The following SZT2 variants were observed in gnomAD, a reference collection of about 807,000 sequenced individuals.
The protein encoded by SZT2 is KICSTOR complex protein SZT2.
SZT2 carries 216 observed loss-of-function variants against 404.2 expected under a neutral mutation model. That is an observed-to-expected ratio of 0.53 (90% CI 0.48 to 0.60). The LOEUF (loss-of-function observed/expected upper bound fraction) is 0.60, where lower values mean the gene tolerates loss of function less well. Among genes scored for constraint, SZT2 ranks in the 20% least tolerant of loss-of-function variants. The pLI is 0.00. For synonymous variants in SZT2, 1,693 were observed against 1,749.9 expected, an observed-to-expected ratio of 0.97 and a Z score of 0.81; for missense variants, 3,857 against 4,459.2, an observed-to-expected ratio of 0.86 and a Z score of 3.85.
At position 43,446,105 on chromosome 1, in the gene SZT2, G is replaced by A. The variant is rs751259086; in HGVS notation, c.8917-74G>A. 2.9e-5 allele frequency: 46 copies of A among 1,599,484 alleles called. 1 individual carries two copies. The highest frequency in any genetic ancestry group is 1.3e-4 in the Admixed American group (8 of 59,980). On this transcript the variant is annotated intron_variant, in intron 63 of 71. Transcript: ENST00000634258. The stretch of plus-strand genomic sequence containing the variant: ...CCAGACTGACACCATTAAAGTCAGG[G>A]TCCAAGGGACTTCCACCCTACTGAT...
chr1:43,418,402 T>C (rs1465856202), intron 7 of SZT2, among the ~76,000 whole-genome samples: 1 of 152,174 alleles, frequency 6.6e-6, no homozygotes, highest in Non-Finnish European at 1.5e-5. Flanking sequence ...AGGGATTCTT[T>C]TGGAGCAGGG....
chr1:43,419,725 T>A lies in SZT2; in HGVS notation c.880-9T>A, dbSNP rs991181080. 1.3e-6 allele frequency: 2 copies of A among 1,594,430 alleles called. No individual in the cohort carries two copies. The highest frequency in any genetic ancestry group is 1.7e-6 in the Non-Finnish European group (2 of 1,177,300). On this transcript the variant is annotated splice_polypyrimidine_tract_variant and intron_variant, in intron 7 of 71. Transcript: ENST00000634258. The stretch of plus-strand genomic sequence containing the variant: ...CAGAGCTAGGTCTTCAGTTGCTCAC[T>A]TTTTCCAGGTGGGAGGAGTTTACTC...
Position 43,431,107 on chromosome 1 carries a change from G to A in SZT2, c.4916+17G>A. 4 of 1,610,946 alleles carry A rather than the reference G, an allele frequency of 2.5e-6. No individual in the cohort carries two copies. The highest frequency in any genetic ancestry group is 3.4e-6 in the Non-Finnish European group (4 of 1,178,838). ...GCACCACCGGTGTGGCAGCAAGTTT[G>A]GTGGGGGGTTTGGGACCTTTTTAGG... On this transcript the variant is annotated intron_variant, in intron 33 of 71. Coordinates refer to ENST00000634258, the MANE Select transcript of SZT2 (RefSeq NM_001365999.1).
intron 4 of SZT2, among the ~76,000 whole-genome samples, chr1:43,413,561 T>C (rs564453483): frequency 1.4e-4 from 21 of 152,324 alleles, no homozygotes; most frequent in South Asian, 4.1e-4. Flanking sequence ...TGAGTGTTCA[T>C]TGACAGATGA....
chr1:43,431,782 G>T lies in SZT2; in HGVS notation c.5155G>T (p.Ala1719Ser). Residue 1719 changes from alanine (A) to serine (S), a missense_variant, in exon 36 of 72, where the codon GCC becomes TCC. Ala to Ser is a moderately conservative substitution (Grantham distance 99, BLOSUM62 1). This residue lies in a region of SZT2 where 1,725 missense variants were observed against 1,881.0 expected (regional missense o/e 0.92). Transcript: ENST00000634258. ...AAGAGGGGGCATCCCACAGAGTCCTGCCCTGCACCGCGCAGCTGCCCATAT... is the reference window on the plus strand; with the variant it reads ...AAGAGGGGGCATCCCACAGAGTCCTTCCCTGCACCGCGCAGCTGCCCATAT... ...LRRGGIPQSP[A>S]LHRAAAHIHS... 6.2e-7 allele frequency: 1 copy of T among 1,614,226 alleles called. No homozygotes were observed. Among genetic ancestry groups the T allele is most frequent in the Non-Finnish European group, 8.5e-7 (1 of 1,180,030 alleles).
Position 43,432,731 on chromosome 1 carries a change from G to A in SZT2, c.5534G>A (p.Ser1845Asn), listed in dbSNP as rs1654046452. ...GGCATTTTCCTTCTCTATCCAGGGA[G>A]TCAGCCTGGGCCCAGCCGGGGATTA... ...ISLPRVPQGG[S>N]QPGPSRGLSL... Residue 1845 changes from serine (S) to asparagine (N), a missense_variant, in exon 39 of 72, where the codon AGT becomes AAT. By Grantham distance (46) the Ser-to-Asn change is conservative. Around this residue, in one of 7 missense-constraint regions of SZT2, gnomAD observed 1,725 missense variants for 1,881.0 expected, o/e 0.92. Coordinates refer to ENST00000634258, the MANE Select transcript of SZT2 (RefSeq NM_001365999.1). 6.2e-7 allele frequency: 1 copy of A among 1,613,930 alleles called. No individual in the cohort carries two copies. Among genetic ancestry groups the A allele is most frequent in the Admixed American group, 1.7e-5 (1 of 59,978 alleles).
Position 43,441,074 on chromosome 1 carries a change from C to T in SZT2, c.7345-140C>T. ...GGAAAGTTAGGTAACCTGCCCAAGG[C>T]TCCTTAGCCAGCCCCTGGGGAAGCC... On this transcript the variant is annotated intron_variant, in intron 52 of 71. Transcript: ENST00000634258. This position sits in a 1 kb window ranked among gnomAD's most constrained non-coding sequence, Gnocchi z 4.8. 1 of 1,060,058 alleles carries T rather than the reference C, an allele frequency of 9.4e-7. No homozygotes were observed. The highest frequency in any genetic ancestry group is 1.4e-6 in the Non-Finnish European group (1 of 727,610). 65.7% of individuals were successfully genotyped at this position (1,060,058 alleles called of 1,614,324 possible).
Position 43,404,567 on chromosome 1 carries a change from C to T in SZT2, c.498+17C>T. On this transcript the variant is annotated intron_variant, in intron 4 of 71. Transcript: ENST00000634258. ...TCCCACCAGGTATTGCATCATCTCT[C>T]CAAGTTTGTACCCTCAGACCAAATT... is the stretch of plus-strand genomic sequence containing the variant. The T allele has an allele frequency of 6.2e-7, 1 of 1,607,278 alleles. No individual in the cohort carries two copies. Among genetic ancestry groups the T allele is most frequent in the East Asian group, 2.2e-5 (1 of 44,710 alleles).
chr1:43,429,621 G>A, intron 28 of SZT2, 82 bp from the exon 29 acceptor site: 4 of 1,576,024 alleles, frequency 2.5e-6, no homozygotes, highest in Non-Finnish European at 3.5e-6. Flanking sequence ...AAGGCTTCCT[G>A]TGCTGCTCCC....
rs1655204841 is a variant in SZT2 at position 43,442,741 on chromosome 1, T to A, written c.8152-78T>A. 6.5e-7 allele frequency: 1 copy of A among 1,537,198 alleles called. No homozygotes were observed. The highest frequency in any genetic ancestry group is 8.7e-7 in the Non-Finnish European group (1 of 1,143,826). On this transcript the variant is annotated intron_variant, in intron 58 of 71. Transcript: ENST00000634258. This position sits in a 1 kb window ranked among gnomAD's most constrained non-coding sequence, Gnocchi z 4.5. ...GCAGAGGTAGTGGGGAGGGAGAGTC[T>A]GAGAGAGGAAGCCCTGGGATGAGAG...
At position 43,437,233 on chromosome 1, in the gene SZT2, C is replaced by T; in HGVS notation, c.6097C>T (p.Pro2033Ser). 1 of 1,614,146 alleles carries T rather than the reference C, an allele frequency of 6.2e-7. No homozygotes were observed. The highest frequency in any genetic ancestry group is 8.5e-7 in the Non-Finnish European group (1 of 1,180,036). The change falls in exon 43 of 72, where the codon CCT becomes TCT. Residue 2033 changes from proline to serine, a missense_variant. Physicochemically the swap from Pro to Ser is moderately conservative, Grantham distance 74. Transcript: ENST00000634258. This position sits in a 1 kb window ranked among gnomAD's most constrained non-coding sequence, Gnocchi z 5.3. ...CCTGGCAGCCACAATGCAGTTTGTC[C>T]CTGGCCATTTCTCCTGTGACGTTGT... The part of the protein sequence containing the change: ...GYLAATMQFV[P>S]GHFSCDVVWG...
At chr1:43,447,479 G>T in intron 66 of SZT2, 66 bp from the exon 67 acceptor site, 2 of 1,570,538 alleles carry the variant, frequency 1.3e-6, no homozygotes. Flanking sequence ...CCATCCCTGT[G>T]CCCCACCAGA....
At position 43,441,792 on chromosome 1, in the gene SZT2, C is replaced by G; in HGVS notation, c.7716C>G (p.Thr2572=). 1 of 1,614,174 alleles carries G rather than the reference C, an allele frequency of 6.2e-7. No individual in the cohort carries two copies. The highest frequency in any genetic ancestry group is 1.3e-5 in the African/African-American group (1 of 75,028). ...TGGTCACCTCAATGGCTGGAGACACCAGTGTCCGCATCTTTGAGCAGCATT... is the reference window on the plus strand; with the variant it reads ...TGGTCACCTCAATGGCTGGAGACACGAGTGTCCGCATCTTTGAGCAGCATT... ...TALVTSMAGD[T]SVRIFEQHLG... Residue 2572 remains threonine (T), a synonymous_variant, in exon 55 of 72, where the codon ACC becomes ACG. Transcript: ENST00000634258. This position sits in a 1 kb window ranked among gnomAD's most constrained non-coding sequence, Gnocchi z 4.8.
rs1479773626 is a variant in SZT2, at chr1:43,432,690, A to G, written c.5531-38A>G. On this transcript the variant is annotated intron_variant, in intron 38 of 71. Coordinates refer to ENST00000634258, the MANE Select transcript of SZT2 (RefSeq NM_001365999.1). ...TTTTTGGAGGGAGGCCCTAGACAGGATTGAGAGAGGCTCCAGGCATTTTCC... is the reference window on the plus strand; with the variant it reads ...TTTTTGGAGGGAGGCCCTAGACAGGGTTGAGAGAGGCTCCAGGCATTTTCC... 4 of 1,613,606 alleles carry G rather than the reference A, an allele frequency of 2.5e-6. No homozygotes were observed. In the African/African-American group the frequency reaches 5.3e-5, roughly 22 times the overall value.
At position 43,425,999 on chromosome 1, in the gene SZT2, A is replaced by G. The variant is rs1557555080; in HGVS notation, c.2930-39A>G. On this transcript the variant is annotated intron_variant, in intron 20 of 71. Transcript: ENST00000634258. This position sits in a 1 kb window ranked among gnomAD's most constrained non-coding sequence, Gnocchi z 4.3. ...GTGGAGCAGGGGAGTGGGTAGGGTAATCTGCGTCTCACTGTGTCCTGTCCT... is the reference window on the plus strand; with the variant it reads ...GTGGAGCAGGGGAGTGGGTAGGGTAGTCTGCGTCTCACTGTGTCCTGTCCT... The G allele has an allele frequency of 6.2e-7, 1 of 1,613,030 alleles. No individual in the cohort carries two copies. Among genetic ancestry groups the G allele is most frequent in the Admixed American group, 1.7e-5 (1 of 60,016 alleles).
rs2153936572 is a variant in SZT2 at position 43,446,187 on chromosome 1, C to G, written c.8925C>G (p.Ser2975Arg). ...TKTDGSPKST[S>R]SPVTTYHLQR... is the part of the protein sequence containing the mutation. ...CTTTTTTGTTTCTTCAGAGCACTAGCTCTCCGGTAACCACCTACCACCTGC... is the reference window on the plus strand; with the variant it reads ...CTTTTTTGTTTCTTCAGAGCACTAGGTCTCCGGTAACCACCTACCACCTGC... Residue 2975 changes from serine (S) to arginine (R), a missense_variant, in exon 64 of 72, where the codon AGC (serine) becomes AGG (arginine). Around this residue, in one of 7 missense-constraint regions of SZT2, gnomAD observed 717 missense variants for 868.2 expected, o/e 0.83. Coordinates refer to ENST00000634258, the MANE Select transcript of SZT2 (RefSeq NM_001365999.1). 1 of 1,614,234 alleles carries G rather than the reference C, an allele frequency of 6.2e-7. No individual in the cohort carries two copies. The highest frequency in any genetic ancestry group is 8.5e-7 in the Non-Finnish European group (1 of 1,180,046).
intron 1 of SZT2, among the ~76,000 whole-genome samples, chr1:43,397,545 A>T (rs779685148): frequency 4.7e-5 from 7 of 149,862 alleles, no homozygotes; most frequent in Non-Finnish European, 8.9e-5. Context: ...AGATGGAGAG[A>T]TGGATGGAGT....
In SZT2 at chr1:43,453,691, C is replaced by T; in HGVS notation, c.*3211C>T. ...TCCGCGTACGGCCAGGCCACCTCGA[C>T]GGCCTCGAAGCCCGAGCTGCCCGCG... On this transcript the variant is annotated 3_prime_UTR_variant, in exon 72 of 72. Coordinates refer to ENST00000634258, the MANE Select transcript of SZT2 (RefSeq NM_001365999.1). 2 of 1,452,388 alleles carry T rather than the reference C, an allele frequency of 1.4e-6. No individual in the cohort carries two copies. The highest frequency in any genetic ancestry group is 2.7e-5 in the South Asian group (2 of 73,486). The allele number at this position is 1,452,388 out of a possible 1,614,324, so 90.0% of individuals were successfully genotyped here.
rs148100527 is a variant in SZT2 at position 43,432,748 on chromosome 1, C to T, written c.5551C>T (p.Arg1851Trp). 204 of 1,613,894 alleles carry T rather than the reference C, an allele frequency of 1.3e-4. No homozygotes were observed. The East Asian group carries it at 1.5e-3, about 12-fold the overall frequency. ...PQGGSQPGPS[R>W]GLSLMSSQGS... ...TCCAGGGAGTCAGCCTGGGCCCAGC[C>T]GGGGATTAAGTCTCATGTCCAGTCA... is the stretch of plus-strand genomic sequence containing the variant. Residue 1851 changes from arginine to tryptophan, a missense_variant, in exon 39 of 72, where the codon CGG becomes TGG. By Grantham distance (101) the Arg-to-Trp change is moderately radical. Transcript: ENST00000634258.
Sources: allele counts gnomAD v4.1 joint callset (sites outside exome capture counted in the v4.1 genomes callset), GRCh38; gene constraint gnomAD v4.1.1; regional missense constraint gnomAD v4.1.1; non-coding constraint Gnocchi (gnomAD v3.1); transcripts MANE v1.5; gene names NCBI Gene and HGNC (gene_info 2026-07-23, HGNC 2026-07-21).